Variants in SLC26A7 observed in about 807,000 individuals in gnomAD.
The protein encoded by SLC26A7 is solute carrier family 26 member 7, also known as anion exchange transporter.
In SLC26A7, 59 loss-of-function variants were observed where a neutral mutation model predicts 82.5. The observed-to-expected ratio is 0.72, with a 90% CI of 0.58 to 0.89. SLC26A7 has a LOEUF of 0.89. SLC26A7 is among the 40% of genes least tolerant of loss of function. SLC26A7 has a pLI of 0.00. For missense variants in SLC26A7, 820 were observed against 793.0 expected (o/e 1.03, Z -0.41); for synonymous variants, 271 against 274.3 (o/e 0.99, Z 0.12).
At chr8:91,362,496 C>T in intron 12 of SLC26A7, 37 bp downstream of exon 12, 1 of 1,521,422 alleles carries the variant, frequency 6.6e-7, no homozygotes, top group Non-Finnish European at 9.1e-7. Context: ...TATTTTTGCA[C>T]AGCAGCAAAA....
intron 8 of SLC26A7, among the ~76,000 whole-genome samples, chr8:91,342,400 G>A (rs745961186): frequency 9.2e-5 from 14 of 152,126 alleles, no homozygotes; most frequent in Admixed American, 4.6e-4. Context: ...TATTTGTTGT[G>A]CTTACTAGAA....
At chr8:91,256,319 C>T (rs886592376) in intron 2 of SLC26A7, among the ~76,000 whole-genome samples, 1 of 152,010 alleles carries the variant, frequency 6.6e-6, no homozygotes, top group African/African-American at 2.4e-5. Context: ...GAAGGTTTGT[C>T]GGCCAAGATG....
intron 15 of SLC26A7, among the ~76,000 whole-genome samples, chr8:91,384,358 C>T (rs1290884681): frequency 1.3e-5 from 2 of 152,274 alleles, no homozygotes; most frequent in African/African-American, 4.8e-5. Context: ...TCTGTCACCA[C>T]ATCTTCTCTG....
chr8:91,273,615 A>G (rs1342338474), intron 2 of SLC26A7, among the ~76,000 whole-genome samples: 1 of 152,226 alleles, frequency 6.6e-6, no homozygotes, highest in Non-Finnish European at 1.5e-5. Context: ...GTGAAATTCA[A>G]TAAGAATATA....
intron 18 of SLC26A7, chr8:91,394,403 G>GT (rs1274653465): frequency 1.4e-6 from 2 of 1,464,682 alleles, no homozygotes; most frequent in East Asian, 2.4e-5. Flanking sequence ...GGCCTTTTAA[G>GT]TTTTTTCTGC....
intron 4 of SLC26A7, among the ~76,000 whole-genome samples, chr8:91,310,573 C>G (rs1812452735): frequency 6.6e-6 from 1 of 152,092 alleles, no homozygotes; most frequent in South Asian, 2.1e-4. Context: ...AGGACAGCTT[C>G]CCAATAAGAT....
intron 3 of SLC26A7, 32 bp from the exon 4 acceptor site, chr8:91,295,499 A>G (rs1376147272): frequency 1.3e-6 from 2 of 1,589,356 alleles, no homozygotes; most frequent in African/African-American, 2.7e-5. Flanking sequence ...TCAAATTACT[A>G]ATAGAAGATT....
intron 5 of SLC26A7, among the ~76,000 whole-genome samples, chr8:91,323,559 G>A (rs1812851223): frequency 6.6e-6 from 1 of 152,134 alleles, no homozygotes; most frequent in East Asian, 1.9e-4. Context: ...GTATACTCAT[G>A]ATGTCTTTAG....
At chr8:91,367,178 G>T (rs929144177) in intron 14 of SLC26A7, among the ~76,000 whole-genome samples, 10 of 152,048 alleles carry the variant, frequency 6.6e-5, no homozygotes, top group African/African-American at 1.9e-4. Context: ...CGGCTAATTT[G>T]TTTGTATTTT....
chr8:91,298,822 C>A (rs1040886349), intron 4 of SLC26A7, among the ~76,000 whole-genome samples: 1 of 152,136 alleles, frequency 6.6e-6, no homozygotes, highest in Non-Finnish European at 1.5e-5. Flanking sequence ...AGGAACATCT[C>A]TTCAAGATGA....
chr8:91,350,243 T>G (rs555723967), intron 9 of SLC26A7, among the ~76,000 whole-genome samples: 1 of 152,088 alleles, frequency 6.6e-6, no homozygotes, highest in African/African-American at 2.4e-5. Context: ...TCCACTCTCC[T>G]TCTTCCCATA....
rs1563637385 is a variant in SLC26A7, at chr8:91,234,775, CCTTCCT to C, written c.-33-14843_-33-14838del. On this transcript the variant is annotated intron_variant, in intron 2 of 5. Transcript: ENST00000522862. ...TCTTTCTCTCTCTCCTTCCTTCCTT[CCTTCCT>C]TCCCTCCCTCCCTACCTACCTACCT... is the stretch of plus-strand genomic sequence containing the variant. Among the ~76,000 whole-genome samples the C allele has an allele frequency of 2.1e-5, 3 of 145,608 alleles. No homozygotes were observed. The East Asian group carries it at 6.2e-4, about 30-fold the overall frequency.
chr8:91,382,266 A>G (rs558221607), intron 15 of SLC26A7, among the ~76,000 whole-genome samples: 59 of 152,138 alleles, frequency 3.9e-4, no homozygotes, highest in Non-Finnish European at 6.9e-4. Context: ...CTGAGGATCA[A>G]GTACTACTCC....
At chr8:91,217,554 T>A (rs917717932) in intron 1 of SLC26A7, among the ~76,000 whole-genome samples, 2 of 152,134 alleles carry the variant, frequency 1.3e-5, no homozygotes, top group African/African-American at 4.8e-5. Context: ...CCCAGACTAA[T>A]CACCATTGTC....
intron 1 of SLC26A7, among the ~76,000 whole-genome samples, chr8:91,216,630 C>G (rs957549583): frequency 2.0e-5 from 3 of 151,990 alleles, no homozygotes; most frequent in African/African-American, 7.2e-5. Flanking sequence ...AGACGGTTGT[C>G]TAGTATATGG....
intron 2 of SLC26A7, among the ~76,000 whole-genome samples, chr8:91,279,014 T>G (rs1477904441): frequency 6.6e-6 from 1 of 151,492 alleles, no homozygotes; most frequent in African/African-American, 2.4e-5. Context: ...TGTCTTTCTG[T>G]GCCTAGCTTA....
At chr8:91,353,390 C>T (rs993157637) in intron 11 of SLC26A7, among the ~76,000 whole-genome samples, 48 of 152,132 alleles carry the variant, frequency 3.2e-4, no homozygotes, top group Admixed American at 1.1e-3. Flanking sequence ...ATGCACGCTG[C>T]GCGCATATAG....
chr8:91,250,354 G>A (rs1193823759), intron 2 of SLC26A7, among the ~76,000 whole-genome samples: 2 of 152,092 alleles, frequency 1.3e-5, no homozygotes, highest in South Asian at 2.1e-4. Flanking sequence ...TGTGTCCTGA[G>A]AGCTTATGTT....
intron 4 of SLC26A7, among the ~76,000 whole-genome samples, chr8:91,309,554 G>T (rs1475455101): frequency 1.3e-5 from 2 of 151,972 alleles, no homozygotes; most frequent in Non-Finnish European, 2.9e-5. Flanking sequence ...TGCCAGCAGT[G>T]GATCTGTGTG....
Sources: allele counts gnomAD v4.1 joint callset (sites outside exome capture counted in the v4.1 genomes callset), GRCh38; gene constraint gnomAD v4.1.1; transcripts MANE v1.5; gene names NCBI Gene and HGNC (gene_info 2026-07-23, HGNC 2026-07-21).